SHISAL1: variants seen among roughly 807,000 people sequenced by gnomAD.
The protein encoded by SHISAL1 is protein shisa-like-1.
A neutral mutation model predicts 22.6 loss-of-function variants in SHISAL1; 9 were observed. The observed-to-expected ratio is 0.40, with a 90% CI of 0.24 to 0.70. The LOEUF (loss-of-function observed/expected upper bound fraction) is 0.70, where lower values mean the gene tolerates loss of function less well. Among genes scored for constraint, SHISAL1 ranks in the 30% least tolerant of loss-of-function variants. The pLI, the probability that SHISAL1 is intolerant of heterozygous loss-of-function variation, is 0.39. For missense variants in SHISAL1, 246 were observed against 270.6 expected (o/e 0.91, Z 0.64); for synonymous variants, 119 against 115.4 (o/e 1.03, Z -0.20).
At chr22:44,289,670 C>A (rs147039229) in intron 3 of SHISAL1, among the ~76,000 whole-genome samples, 1 of 152,184 alleles carries the variant, frequency 6.6e-6, no homozygotes, top group African/African-American at 2.4e-5. Context: ...AGGTGGCAGG[C>A]GGGGACGCCC....
rs2147260084 is a variant in SHISAL1, at chr22:44,243,809, A to T, written c.*5876T>A. The stretch of plus-strand genomic sequence containing the variant: ...ACATTCTAGTATTATTATTAGGAAT[A>T]TTATTGGTTTTGGTTTTCCCGGTTA... On this transcript the variant is annotated 3_prime_UTR_variant, in exon 5 of 5. Transcript: ENST00000381176. 6.6e-6 allele frequency: 1 copy of T among 152,354 alleles called. No homozygotes were observed. Among genetic ancestry groups the T allele is most frequent in the East Asian group, 1.9e-4 (1 of 5,182 alleles). The allele number at this position is 152,354 out of a possible 1,614,324, so 9.4% of individuals were successfully genotyped here.
chr22:44,284,335 G>A (rs941195024), intron 4 of SHISAL1, among the ~76,000 whole-genome samples: 3 of 152,010 alleles, frequency 2.0e-5, no homozygotes, highest in Non-Finnish European at 2.9e-5. Flanking sequence ...CCTCCTTCAC[G>A]AGGATCGGAA....
At chr22:44,255,179 G>GAT (rs909882990) in intron 4 of SHISAL1, among the ~76,000 whole-genome samples, 1 of 149,710 alleles carries the variant, frequency 6.7e-6, no homozygotes, top group African/African-American at 2.5e-5. Context: ...ACTGTATGTT[G>GAT]ATATATATAT....
At chr22:44,312,025 G>C (rs532658875) in intron 1 of SHISAL1, among the ~76,000 whole-genome samples, 1 of 151,728 alleles carries the variant, frequency 6.6e-6, no homozygotes, top group African/African-American at 2.4e-5. Context: ...GCTCGCCTCG[G>C]GGTGGGGGTG....
chr22:44,327,901 T>C, the SHISAL1 span, among the ~76,000 whole-genome samples: 2 of 152,024 alleles, frequency 1.3e-5, no homozygotes, highest in Admixed American at 6.5e-5. Context: ...CCACTATTCT[T>C]AGGGGTTGAC....
chr22:44,317,599 T>C (rs1401102989), upstream of SHISAL1, among the ~76,000 whole-genome samples: 1 of 152,234 alleles, frequency 6.6e-6, no homozygotes, highest in Non-Finnish European at 1.5e-5. Flanking sequence ...CCTGGCCCTG[T>C]GGTCTCTGGT....
rs772677129 is a variant in SHISAL1, at chr22:44,285,538, T to C, written c.489A>G (p.Pro163=). The part of the protein sequence containing the change: ...ARAPRPGQRA[P]QPQPPPGPLP... Reference sequence around the variant, plus strand: ...GCGGGCCTGGGGGAGGCTGCGGCTGTGGGGCCCGCTGACCCGGCCGAGGGG... The same window carrying C: ...GCGGGCCTGGGGGAGGCTGCGGCTGCGGGGCCCGCTGACCCGGCCGAGGGG... Residue 163 remains proline, a synonymous_variant, in exon 4 of 5, where the codon CCA becomes CCG. Transcript: ENST00000381176. 4.3e-6 allele frequency: 7 copies of C among 1,613,030 alleles called. No individual in the cohort carries two copies. The East Asian group carries it at 1.3e-4, about 31-fold the overall frequency.
At chr22:44,294,343 C>G (rs183272179) in intron 3 of SHISAL1, among the ~76,000 whole-genome samples, 1 of 152,162 alleles carries the variant, frequency 6.6e-6, no homozygotes, top group Non-Finnish European at 1.5e-5. Context: ...TTGGAACAGG[C>G]GGCTTCCCCC....
At chr22:44,296,598 G>A (rs188971271) in intron 3 of SHISAL1, 74 bp downstream of exon 3, 4 of 1,367,694 alleles carry the variant, frequency 2.9e-6, no homozygotes, top group Admixed American at 3.4e-5. Flanking sequence ...CTCCCTAGGG[G>A]ACGCGATTTT....
the SHISAL1 span, among the ~76,000 whole-genome samples, chr22:44,330,040 G>A: frequency 6.6e-6 from 1 of 152,252 alleles, no homozygotes; most frequent in East Asian, 1.9e-4. Flanking sequence ...GGCACAGCCA[G>A]CCAGCAGCGA....
chr22:44,259,596 C>T (rs922862842), intron 4 of SHISAL1, among the ~76,000 whole-genome samples: 5 of 151,960 alleles, frequency 3.3e-5, no homozygotes, highest in African/African-American at 7.3e-5. Flanking sequence ...TGCCCCTGGG[C>T]TTGTGCATGG....
At position 44,285,587 on chromosome 22, in the gene SHISAL1, C is replaced by T. The variant is rs769692080; in HGVS notation, c.440G>A (p.Arg147Gln). 19 of 1,613,952 alleles carry T rather than the reference C, an allele frequency of 1.2e-5. No homozygotes were observed. In the South Asian group the frequency reaches 1.2e-4, roughly 10 times the overall value. Residue 147 changes from arginine (R) to glutamine (Q), a missense_variant, in exon 4 of 5, where the codon CGG becomes CAG. This residue lies in a region of SHISAL1 where 136 missense variants were observed against 117.5 expected (regional missense o/e 1.16). Transcript: ENST00000381176. ...GGCCCGAGCGGGGTTCCCCCACCGC[C>T]GGGGGTCCTGTTTCATCCATCGTCC... ...IQGRWMKQDP[R>Q]RWGNPARAPR... is the part of the protein sequence containing the mutation.
At position 44,300,979 on chromosome 22, in the gene SHISAL1, T is replaced by C; in HGVS notation, c.-32-2A>G. 6.2e-7 allele frequency: 1 copy of C among 1,603,688 alleles called. No homozygotes were observed. The highest frequency in any genetic ancestry group is 1.1e-5 in the South Asian group (1 of 90,562). On this transcript the variant is annotated splice_acceptor_variant, in intron 1 of 4. Coordinates refer to ENST00000381176, the MANE Select transcript of SHISAL1 (RefSeq NM_001099294.2). LOFTEE classifies it low-confidence loss of function (5UTR_SPLICE). ...TTGCATTGATCCGTCCAGAGCTGCC[T>C]GTTCAATGAGAGCCACGAGAGGCTG...
At chr22:44,263,820 A>C (rs1601780387) in intron 4 of SHISAL1, among the ~76,000 whole-genome samples, 1 of 152,226 alleles carries the variant, frequency 6.6e-6, no homozygotes, top group Admixed American at 6.5e-5. Context: ...CTTGACATGA[A>C]GTGTTCATGA....
chr22:44,321,232 G>A, the SHISAL1 span, among the ~76,000 whole-genome samples: 211 of 152,266 alleles, frequency 1.4e-3, 2 homozygotes, highest in African/African-American at 5.0e-3. Flanking sequence ...ACCCACCTGC[G>A]ACGAGAGTCC....
intron 4 of SHISAL1, among the ~76,000 whole-genome samples, chr22:44,262,715 G>C (rs2055133400): frequency 6.6e-6 from 1 of 152,224 alleles, no homozygotes; most frequent in South Asian, 2.1e-4. Flanking sequence ...AGGCTGCCCT[G>C]CTGGCCCTAG....
intron 3 of SHISAL1, among the ~76,000 whole-genome samples, chr22:44,289,003 T>A (rs73432518): frequency 2.0e-5 from 3 of 152,226 alleles, no homozygotes; most frequent in African/African-American, 7.2e-5. Context: ...CACCAACACA[T>A]ACTGACAGCT....
chr22:44,309,576 C>T (rs904171129), intron 1 of SHISAL1, among the ~76,000 whole-genome samples: 2 of 152,080 alleles, frequency 1.3e-5, no homozygotes, highest in African/African-American at 4.8e-5. Flanking sequence ...ATGTGGGGCT[C>T]GGAGAGGGGA....
At chr22:44,323,815 T>A in the SHISAL1 span, among the ~76,000 whole-genome samples, 4 of 152,248 alleles carry the variant, frequency 2.6e-5, no homozygotes, top group Non-Finnish European at 5.9e-5. Context: ...CTCTGACCCT[T>A]CACTGCTTCT....
Sources: allele counts gnomAD v4.1 joint callset (sites outside exome capture counted in the v4.1 genomes callset), GRCh38; gene constraint gnomAD v4.1.1; regional missense constraint gnomAD v4.1.1; transcripts MANE v1.5; gene names NCBI Gene and HGNC (gene_info 2026-07-23, HGNC 2026-07-21).